SH3RF3: variants seen among roughly 807,000 people sequenced by gnomAD.
SH3RF3 encodes the protein SH3 domain containing ring finger 3.
Under a neutral mutation model 66.3 loss-of-function variants are expected in SH3RF3, and 29 were observed. The ratio of observed to expected loss-of-function variants is 0.44; its 90% CI spans 0.33 to 0.60. The LOEUF (loss-of-function observed/expected upper bound fraction) is 0.60. SH3RF3 is among the 20% of genes least tolerant of loss of function. The probability of loss-of-function intolerance (pLI) is 0.04; values close to 1 mark genes in which losing one functional copy is unlikely to be tolerated. For synonymous variants in SH3RF3, 583 were observed against 532.0 expected, an observed-to-expected ratio of 1.10 and a Z score of -1.32; for missense variants, 1,194 against 1,190.9, an observed-to-expected ratio of 1.00 and a Z score of -0.04.
At chr2:109,482,485 TC>T (rs1678859664) in intron 8 of SH3RF3, among the ~76,000 whole-genome samples, 1 of 152,268 alleles carries the variant, frequency 6.6e-6, no homozygotes, top group Admixed American at 6.5e-5. Flanking sequence ...TTCTTGAAGT[TC>T]CTCAGGGAGT....
chr2:109,392,103 A>C (rs1174929185), intron 3 of SH3RF3, among the ~76,000 whole-genome samples: 2 of 152,252 alleles, frequency 1.3e-5, no homozygotes, highest in African/African-American at 4.8e-5. Context: ...AACATGAGCC[A>C]CTGTGCCTAG....
chr2:109,175,029 G>A (rs1677884050), intron 1 of SH3RF3, among the ~76,000 whole-genome samples: 1 of 152,166 alleles, frequency 6.6e-6, no homozygotes, highest in Admixed American at 6.5e-5. Context: ...GCTTCCTTGA[G>A]TAGCCTTTAT....
chr2:109,277,379 C>T (rs1045799418), intron 1 of SH3RF3, among the ~76,000 whole-genome samples: 9 of 152,056 alleles, frequency 5.9e-5, no homozygotes, highest in African/African-American at 2.2e-4. Context: ...TTTATGTGAC[C>T]CCGGCCTCGG....
intron 9 of SH3RF3, among the ~76,000 whole-genome samples, chr2:109,495,280 C>G (rs1197566727): frequency 6.6e-6 from 1 of 152,172 alleles, no homozygotes; most frequent in Non-Finnish European, 1.5e-5. Context: ...TGCCCCAGTT[C>G]CCCAGCTACA....
intron 1 of SH3RF3, among the ~76,000 whole-genome samples, chr2:109,135,254 G>C (rs1466937614): frequency 6.6e-6 from 1 of 152,206 alleles, no homozygotes; most frequent in Non-Finnish European, 1.5e-5. Flanking sequence ...GCTGGTGTCT[G>C]AAGCCCACAC....
chr2:109,159,359 G>C (rs764479980), intron 1 of SH3RF3, among the ~76,000 whole-genome samples: 1 of 152,244 alleles, frequency 6.6e-6, no homozygotes, highest in Non-Finnish European at 1.5e-5. Context: ...CAGCCCCAGG[G>C]CGAGGGTGTA....
intron 1 of SH3RF3, among the ~76,000 whole-genome samples, chr2:109,279,733 ACGCTTGGGAGCAGTGACGCGAAACT>A (rs1244947315): frequency 7.1e-6 from 1 of 140,568 alleles, no homozygotes; most frequent in Non-Finnish European, 1.5e-5. Context: ...GAAATTCAGT[ACGCTTGGGAGCAGTGACGCGAAACT>A]TCGCAGACGC....
At chr2:109,460,567 CTG>C (rs1295569199) in intron 8 of SH3RF3, among the ~76,000 whole-genome samples, 1 of 152,240 alleles carries the variant, frequency 6.6e-6, no homozygotes, top group East Asian at 1.9e-4. Context: ...CAGTCATTGA[CTG>C]TGCTCCACAG....
chr2:109,225,408 C>T (rs1679351327), intron 1 of SH3RF3, among the ~76,000 whole-genome samples: 1 of 152,158 alleles, frequency 6.6e-6, no homozygotes, highest in Non-Finnish European at 1.5e-5. Context: ...GAAATCTGCA[C>T]GTTAACAGGT....
At chr2:109,421,547 C>T (rs958546860) in intron 5 of SH3RF3, among the ~76,000 whole-genome samples, 1 of 152,216 alleles carries the variant, frequency 6.6e-6, no homozygotes, top group Non-Finnish European at 1.5e-5. Context: ...TCCTGGATGG[C>T]TTCTAAATTT....
At chr2:109,337,428 C>G (rs1246024680) in intron 1 of SH3RF3, among the ~76,000 whole-genome samples, 2 of 152,238 alleles carry the variant, frequency 1.3e-5, no homozygotes, top group East Asian at 3.9e-4. Flanking sequence ...GCGCCTTGCA[C>G]TGTGGCCACC....
chr2:109,346,775 A>T (rs1682713802), intron 1 of SH3RF3, among the ~76,000 whole-genome samples: 1 of 152,232 alleles, frequency 6.6e-6, no homozygotes, highest in East Asian at 1.9e-4. Context: ...TTTGAGACCG[A>T]GGATGGCAGA....
intron 1 of SH3RF3, among the ~76,000 whole-genome samples, chr2:109,227,436 C>T (rs1679398086): frequency 6.6e-6 from 1 of 152,184 alleles, no homozygotes; most frequent in African/African-American, 2.4e-5. Context: ...TTCTCACAGT[C>T]AAGTAAAAAC....
intron 1 of SH3RF3, among the ~76,000 whole-genome samples, chr2:109,168,953 G>A (rs1677693284): frequency 1.3e-5 from 2 of 152,196 alleles, no homozygotes; most frequent in African/African-American, 4.8e-5. Context: ...CGAGGGCTCA[G>A]TACACATTGA....
chr2:109,145,857 G>T (rs764171023), intron 1 of SH3RF3, among the ~76,000 whole-genome samples: 9 of 152,154 alleles, frequency 5.9e-5, no homozygotes, highest in Non-Finnish European at 1.2e-4. Flanking sequence ...AAGGCAGGAC[G>T]GAGCCGCAGA....
At chr2:109,184,901 C>A (rs1375547284) in intron 1 of SH3RF3, among the ~76,000 whole-genome samples, 2 of 152,196 alleles carry the variant, frequency 1.3e-5, no homozygotes, top group Non-Finnish European at 2.9e-5. Context: ...AAGGCCTCAT[C>A]AAACAACCAA....
chr2:109,319,931 G>A (rs1681982233), intron 1 of SH3RF3, among the ~76,000 whole-genome samples: 1 of 152,220 alleles, frequency 6.6e-6, no homozygotes. Context: ...TCCTTGCAGG[G>A]GCAAGGTGAA....
intron 7 of SH3RF3, among the ~76,000 whole-genome samples, chr2:109,437,948 G>C (rs1677455748): frequency 2.6e-5 from 4 of 152,168 alleles, no homozygotes; most frequent in Non-Finnish European, 5.9e-5. Flanking sequence ...CCCAGGACAA[G>C]AGGGGATAAC....
At chr2:109,426,893 G>T (rs1219947749) in intron 5 of SH3RF3, among the ~76,000 whole-genome samples, 1 of 151,952 alleles carries the variant, frequency 6.6e-6, no homozygotes, top group African/African-American at 2.4e-5. Flanking sequence ...ATCAAGACAA[G>T]ACCCTCTACC....
Sources: gnomAD v4.1 joint callset for allele counts (sites outside exome capture counted in the v4.1 genomes callset) on GRCh38, gnomAD v4.1.1 for gene constraint, MANE v1.5 for transcripts, NCBI Gene and HGNC (gene_info 2026-07-23, HGNC 2026-07-21) for gene names.